Variants in UBIAD1 observed in about 807,000 individuals in gnomAD.
UBIAD1 encodes the protein UbiA prenyltransferase domain containing 1, also known as ubiA prenyltransferase domain-containing protein 1.
A neutral mutation model predicts 20.1 loss-of-function variants in UBIAD1; 12 were observed. The ratio of observed to expected loss-of-function variants is 0.60; its 90% CI spans 0.38 to 0.97. UBIAD1 has a LOEUF of 0.97. Among genes scored for constraint, UBIAD1 ranks in the 50% least tolerant of loss-of-function variants. The pLI, the probability that UBIAD1 is intolerant of heterozygous loss-of-function variation, is 0.00. For synonymous variants in UBIAD1, 207 were observed against 189.2 expected, an observed-to-expected ratio of 1.09 and a Z score of -0.77; for missense variants, 333 against 419.5, an observed-to-expected ratio of 0.79 and a Z score of 1.80.
chr1:11,287,651 CGGGCGCG>C lies in UBIAD1; in HGVS notation c.*1522_*1528del, dbSNP rs1294174446. Reference sequence around the variant, plus strand: ...TGTTTGAAAATTGCAAAAGTTCCGCCGGGCGCGGTGGCTCATGCCTGTAATCCCAGCA... The same window carrying C: ...TGTTTGAAAATTGCAAAAGTTCCGCCGTGGCTCATGCCTGTAATCCCAGCA... On this transcript the variant is annotated 3_prime_UTR_variant, in exon 2 of 2. Transcript: ENST00000376810. 2.6e-5 allele frequency: 4 copies of C among 152,148 alleles called. No individual in the cohort carries two copies. The highest frequency in any genetic ancestry group is 9.7e-5 in the African/African-American group (4 of 41,424). The allele number at this position is 152,148 out of a possible 1,614,324, so 9.4% of individuals were successfully genotyped here. A position where few individuals can be genotyped will look rare whatever the true frequency, so the allele number is the denominator to read the frequency against.
chr1:11,275,036 C>G (rs1010678035), intron 1 of UBIAD1, among the ~76,000 whole-genome samples: 1 of 152,068 alleles, frequency 6.6e-6, no homozygotes, highest in Non-Finnish European at 1.5e-5. Context: ...AGCTAGTTTG[C>G]TAGGTGACTT....
At chr1:11,276,563 C>T (rs1042864207) in intron 1 of UBIAD1, among the ~76,000 whole-genome samples, 5 of 151,008 alleles carry the variant, frequency 3.3e-5, no homozygotes, top group Non-Finnish European at 7.4e-5. Flanking sequence ...ACTCGGGAGG[C>T]TGAGGCAGGA....
intron 1 of UBIAD1, among the ~76,000 whole-genome samples, chr1:11,280,595 C>G (rs367795790): frequency 6.6e-6 from 1 of 152,164 alleles, no homozygotes; most frequent in Non-Finnish European, 1.5e-5. Flanking sequence ...CAGCTTTTTC[C>G]CCATTTTGCT....
downstream of UBIAD1, among the ~76,000 whole-genome samples, chr1:11,292,965 C>G (rs1029331153): frequency 6.6e-6 from 1 of 152,130 alleles, no homozygotes; most frequent in African/African-American, 2.4e-5. Context: ...GCTAGGATGG[C>G]AAATGGTGGT....
intron 1 of UBIAD1, among the ~76,000 whole-genome samples, chr1:11,283,756 G>C (rs1421205521): frequency 1.3e-5 from 2 of 152,110 alleles, no homozygotes; most frequent in African/African-American, 2.4e-5. Flanking sequence ...GATTCCTGTG[G>C]CTAGTGGGAA....
At chr1:11,299,141 G>C (rs1638492741), downstream of UBIAD1, among the ~76,000 whole-genome samples, 2 of 152,228 alleles carry the variant, frequency 1.3e-5, no homozygotes, top group South Asian at 4.1e-4. Flanking sequence ...AAACCCCACT[G>C]CCTGCCCTGG....
chr1:11,275,709 C>T (rs1016576629), intron 1 of UBIAD1, among the ~76,000 whole-genome samples: 2 of 152,122 alleles, frequency 1.3e-5, no homozygotes, highest in Non-Finnish European at 2.9e-5. Context: ...CACCACTGCA[C>T]TCCAGCCTGG....
rs1638260309 is a variant in UBIAD1 at position 11,286,221 on chromosome 1, C to T, written c.*90C>T. ...TGAGGAAGGAATGTGATTTGGCAGT[C>T]AGGGTACTAAGCATGGGTGGGAACT... is the stretch of plus-strand genomic sequence containing the variant. On this transcript the variant is annotated 3_prime_UTR_variant, in exon 2 of 2. Transcript: ENST00000376810. 1 of 1,568,922 alleles carries T rather than the reference C, an allele frequency of 6.4e-7. No individual in the cohort carries two copies. Among genetic ancestry groups the T allele is most frequent in the Non-Finnish European group, 8.7e-7 (1 of 1,145,538 alleles).
At chr1:11,292,682 C>G (rs575917982), downstream of UBIAD1, among the ~76,000 whole-genome samples, 263 of 148,806 alleles carry the variant, frequency 1.8e-3, 1 homozygote, top group African/African-American at 6.3e-3. Flanking sequence ...CACACACACA[C>G]ACACACACAC....
chr1:11,284,259 G>C (rs761207768), intron 1 of UBIAD1, among the ~76,000 whole-genome samples: 2 of 152,126 alleles, frequency 1.3e-5, no homozygotes, highest in Non-Finnish European at 2.9e-5. Context: ...GAGTTAGCCA[G>C]GCCAAGGGAG....
intron 1 of UBIAD1, among the ~76,000 whole-genome samples, chr1:11,275,978 A>G (rs571871275): frequency 4.6e-5 from 7 of 152,326 alleles, no homozygotes; most frequent in Admixed American, 1.3e-4. Context: ...AAGGAGGCAC[A>G]CACACGGATT....
rs1240135503 is a variant in UBIAD1, at chr1:11,285,447, G to T, written c.530-197G>T. Reference sequence around the variant, plus strand: ...GAAGAGGGACTTGAGGCCTCACTGGGCATTCTCTCTGCACCTGTGGCATTG... The same window carrying T: ...GAAGAGGGACTTGAGGCCTCACTGGTCATTCTCTCTGCACCTGTGGCATTG... On this transcript the variant is annotated intron_variant, in intron 1 of 1. Transcript: ENST00000376810. This position sits in a 1 kb window ranked among gnomAD's most constrained non-coding sequence, Gnocchi z 4.4. Among the ~76,000 whole-genome samples the T allele has an allele frequency of 6.6e-6, 1 of 152,124 alleles. No individual in the cohort carries two copies. Among genetic ancestry groups the T allele is most frequent in the East Asian group, 1.9e-4 (1 of 5,198 alleles).
chr1:11,279,978 G>C (rs1256391263), intron 1 of UBIAD1, among the ~76,000 whole-genome samples: 1 of 152,170 alleles, frequency 6.6e-6, no homozygotes, highest in East Asian at 1.9e-4. Flanking sequence ...ATCCAGAGGA[G>C]TAAGAGGAAA....
rs748718956 is a variant in UBIAD1, at chr1:11,286,110, A to G, written c.996A>G (p.Ala332=). Residue 332 remains alanine (A), a synonymous_variant, in exon 2 of 2, where the codon GCA becomes GCG. Coordinates refer to ENST00000376810, the MANE Select transcript of UBIAD1 (RefSeq NM_013319.3). ...FYVFGIILAP[A]GSLPKI is the part of the protein sequence containing the mutation. ...TCTTTGGCATCATTCTGGCACCAGCAGGCAGTCTGCCCAAAATTTAAGGGG... is the reference window on the plus strand; with the variant it reads ...TCTTTGGCATCATTCTGGCACCAGCGGGCAGTCTGCCCAAAATTTAAGGGG... The G allele has an allele frequency of 1.2e-6, 2 of 1,614,234 alleles. No individual in the cohort carries two copies. The highest frequency in any genetic ancestry group is 8.5e-7 in the Non-Finnish European group (1 of 1,180,050).
chr1:11,299,305 C>T (rs992565620), downstream of UBIAD1, among the ~76,000 whole-genome samples: 1 of 152,340 alleles, frequency 6.6e-6, no homozygotes, highest in Middle Eastern at 3.4e-3. Context: ...GCTTTTCTCA[C>T]GCTGGCCTCC....
At chr1:11,295,255 A>AT, downstream of UBIAD1, 1 of 316,792 alleles carries the variant, frequency 3.2e-6, no homozygotes, top group South Asian at 4.0e-5. Context: ...AGAGGTGGCC[A>AT]TAAGAGGTGA....
chr1:11,285,497 T>G lies in UBIAD1; in HGVS notation c.530-147T>G. On this transcript the variant is annotated intron_variant, in intron 1 of 1. Transcript: ENST00000376810. The surrounding 1 kb of genome is among the most constrained non-coding windows in gnomAD (Gnocchi z 4.4). ...GGAGAAGAAATCAGAATTTGCTCTG[T>G]GGGGTTAAGGGATGAAATGAGTGCC... The G allele has an allele frequency of 8.2e-7, 1 of 1,225,912 alleles. No individual in the cohort carries two copies. The highest frequency in any genetic ancestry group is 1.2e-6 in the Non-Finnish European group (1 of 862,218). 75.9% of individuals were successfully genotyped at this position (1,225,912 alleles called of 1,614,324 possible). A position where few individuals can be genotyped will look rare whatever the true frequency, so the allele number is the denominator to read the frequency against.
rs1236292039 is a variant in UBIAD1 at position 11,286,596 on chromosome 1, A to C, written c.*465A>C. On this transcript the variant is annotated 3_prime_UTR_variant, in exon 2 of 2. Transcript: ENST00000376810. ...GATTGGTGCCAGGCCTCACTAACAC[A>C]GGGGCTACCTGTCTCTTATTCTCAG... 2 of 227,534 alleles carry C rather than the reference A, an allele frequency of 8.8e-6. No homozygotes were observed. The highest frequency in any genetic ancestry group is 2.3e-4 in the East Asian group (2 of 8,730). 14.1% of individuals were successfully genotyped at this position (227,534 alleles called of 1,614,324 possible). A position where few individuals can be genotyped will look rare whatever the true frequency, so the allele number is the denominator to read the frequency against.
At chr1:11,281,397 C>T (rs1327856697) in intron 1 of UBIAD1, among the ~76,000 whole-genome samples, 1 of 152,160 alleles carries the variant, frequency 6.6e-6, no homozygotes, top group African/African-American at 2.4e-5. Flanking sequence ...TCCCTGCAGT[C>T]AGGGATTTCT....
Sources: allele counts gnomAD v4.1 joint callset (sites outside exome capture counted in the v4.1 genomes callset), GRCh38; gene constraint gnomAD v4.1.1; non-coding constraint Gnocchi (gnomAD v3.1); transcripts MANE v1.5; gene names NCBI Gene and HGNC (gene_info 2026-07-23, HGNC 2026-07-21).